Variants in FGF14 observed in about 807,000 individuals in gnomAD.
The protein encoded by FGF14 is fibroblast growth factor 14, also known as fibroblast growth factor homologous factor 4.
In FGF14, 5 loss-of-function variants were observed where a neutral mutation model predicts 25.5. That is an observed-to-expected ratio of 0.20 (90% CI 0.10 to 0.41). FGF14 has a LOEUF of 0.41. FGF14 is among the 10% of genes least tolerant of loss of function. FGF14 has a pLI of 1.00. For missense variants in FGF14, 222 were observed against 320.1 expected, an observed-to-expected ratio of 0.69 and a Z score of 2.34; for synonymous variants, 138 against 118.3, an observed-to-expected ratio of 1.17 and a Z score of -1.08.
At chr13:102,074,195 G>T (rs1163224508) in intron 1 of FGF14, among the ~76,000 whole-genome samples, 7 of 152,138 alleles carry the variant, frequency 4.6e-5, no homozygotes, top group Middle Eastern at 3.4e-3. Context: ...AATTTTTTTT[G>T]TAGAGATGGG....
intron 1 of FGF14, among the ~76,000 whole-genome samples, chr13:102,240,009 A>C (rs2051515743): frequency 1.3e-5 from 2 of 152,180 alleles, no homozygotes; most frequent in Non-Finnish European, 2.9e-5. Flanking sequence ...GGCTCTCTTT[A>C]AAAGGCACAC....
chr13:102,028,168 T>C (rs1273873778), intron 1 of FGF14, among the ~76,000 whole-genome samples: 1 of 152,120 alleles, frequency 6.6e-6, no homozygotes, highest in Non-Finnish European at 1.5e-5. Context: ...ATGCCTTTTC[T>C]TTCTTTCTTC....
rs1566808649 is a variant in FGF14 at position 101,719,467 on chromosome 13, A to G, written c.*3364T>C. The G allele has an allele frequency of 6.6e-6, 1 of 152,090 alleles. No individual in the cohort carries two copies. Among genetic ancestry groups the G allele is most frequent in the Non-Finnish European group, 1.5e-5 (1 of 67,998 alleles). The allele number at this position is 152,090 out of a possible 1,614,324, so 9.4% of individuals were successfully genotyped here. A position where few individuals can be genotyped will look rare whatever the true frequency, so the allele number is the denominator to read the frequency against. ...CAAATTCTTCAGGATTTGTAATGAA[A>G]TGATGTTCAGTTCCATTTTGCTCTT... On this transcript the variant is annotated 3_prime_UTR_variant, in exon 5 of 5. Coordinates refer to ENST00000376143, the MANE Select transcript of FGF14 (RefSeq NM_004115.4).
At chr13:101,754,242 T>C (rs986030627) in intron 3 of FGF14, among the ~76,000 whole-genome samples, 1 of 152,144 alleles carries the variant, frequency 6.6e-6, no homozygotes, top group African/African-American at 2.4e-5. Context: ...GTGCAGATGG[T>C]ATGGACAAAG....
intron 3 of FGF14, among the ~76,000 whole-genome samples, chr13:101,739,591 A>G (rs2036411283): frequency 6.6e-6 from 1 of 152,168 alleles, no homozygotes; most frequent in African/African-American, 2.4e-5. Flanking sequence ...AGGGTGATAT[A>G]ATATACAAAG....
At chr13:101,889,594 G>A (rs1253549991) in intron 1 of FGF14, among the ~76,000 whole-genome samples, 7 of 152,102 alleles carry the variant, frequency 4.6e-5, no homozygotes, top group African/African-American at 1.7e-4. Flanking sequence ...TTGGGAAATA[G>A]ACTGCAAACC....
At chr13:102,011,360 A>C (rs1594980897) in intron 1 of FGF14, among the ~76,000 whole-genome samples, 1 of 152,238 alleles carries the variant, frequency 6.6e-6, no homozygotes, top group African/African-American at 2.4e-5. Context: ...GGAGAATAAG[A>C]CTTAAGTGTC....
chr13:102,341,277 A>C (rs1444554593), intron 1 of FGF14, among the ~76,000 whole-genome samples: 1 of 152,206 alleles, frequency 6.6e-6, no homozygotes, highest in Non-Finnish European at 1.5e-5. Context: ...GAGGACAATT[A>C]TTTATGCAAA....
At chr13:101,820,789 CACACACACACACACACAACACA>C (rs2042090133) in intron 3 of FGF14, among the ~76,000 whole-genome samples, 1 of 30,118 alleles carries the variant, frequency 3.3e-5, no homozygotes, top group Admixed American at 4.3e-4. Flanking sequence ...CACACACACA[CACACACACACACACACAACACA>C]CACACACACA....
chr13:101,734,036 ATGTG>A (rs891087345), intron 3 of FGF14, among the ~76,000 whole-genome samples: 1 of 150,900 alleles, frequency 6.6e-6, no homozygotes, highest in African/African-American at 2.4e-5. Context: ...GTGTGTGTGC[ATGTG>A]TGTGTGTGTG....
At chr13:102,361,719 T>C (rs2057571822) in intron 1 of FGF14, among the ~76,000 whole-genome samples, 1 of 152,202 alleles carries the variant, frequency 6.6e-6, no homozygotes, top group South Asian at 2.1e-4. Context: ...TGAACACTAT[T>C]TTGAATTCTA....
At chr13:102,017,803 A>T (rs1295481241) in intron 1 of FGF14, among the ~76,000 whole-genome samples, 1 of 151,798 alleles carries the variant, frequency 6.6e-6, no homozygotes, top group Non-Finnish European at 1.5e-5. Context: ...TTCTTTATTA[A>T]TTATCTTTTT....
At chr13:101,792,673 G>GC (rs1462445677) in intron 3 of FGF14, among the ~76,000 whole-genome samples, 10 of 151,990 alleles carry the variant, frequency 6.6e-5, no homozygotes, top group Non-Finnish European at 8.8e-5. Flanking sequence ...TATTTTCTTT[G>GC]CCCCTCATGC....
chr13:101,990,060 G>A (rs1011485212), intron 1 of FGF14, among the ~76,000 whole-genome samples: 4 of 152,188 alleles, frequency 2.6e-5, no homozygotes, highest in African/African-American at 9.6e-5. Context: ...CATATGAGCT[G>A]TGGTGCTCAT....
intron 1 of FGF14, among the ~76,000 whole-genome samples, chr13:101,910,034 A>C (rs1420443959): frequency 6.7e-6 from 1 of 149,764 alleles, no homozygotes; most frequent in Non-Finnish European, 1.5e-5. Flanking sequence ...ATAGGTGGGA[A>C]TTGAACAAGG....
intron 1 of FGF14, among the ~76,000 whole-genome samples, chr13:101,927,116 T>C (rs1293119277): frequency 1.3e-5 from 2 of 152,194 alleles, no homozygotes; most frequent in African/African-American, 4.8e-5. Context: ...TGTTTCTCTC[T>C]GTACCCTCCT....
intron 1 of FGF14, among the ~76,000 whole-genome samples, chr13:101,900,777 AAATT>A (rs1028841139): frequency 1.3e-5 from 2 of 152,140 alleles, no homozygotes; most frequent in Admixed American, 6.6e-5. Context: ...CACTCTGTAA[AAATT>A]AATTAAGTTG....
intron 1 of FGF14, among the ~76,000 whole-genome samples, chr13:102,202,292 A>G (rs1049134609): frequency 3.3e-5 from 5 of 152,176 alleles, no homozygotes; most frequent in Non-Finnish European, 5.9e-5. Flanking sequence ...AAAGATTATC[A>G]TGGTCGGGAA....
chr13:102,176,175 T>C (rs505843), intron 1 of FGF14, among the ~76,000 whole-genome samples: 85,099 of 151,972 alleles, frequency 0.56, 25,993 homozygotes, highest in East Asian at 0.92. Context: ...CCTAAATGTT[T>C]ACCACTGGTC....
Sources: gnomAD v4.1 joint callset for allele counts (sites outside exome capture counted in the v4.1 genomes callset) on GRCh38, gnomAD v4.1.1 for gene constraint, MANE v1.5 for transcripts, NCBI Gene and HGNC (gene_info 2026-07-23, HGNC 2026-07-21) for gene names.